The following SLC44A5 variants were observed in gnomAD, a reference collection of about 807,000 sequenced individuals.
SLC44A5 encodes the protein solute carrier family 44 member 5, also known as choline transporter-like protein 5.
Under a neutral mutation model 101.8 loss-of-function variants are expected in SLC44A5, and 57 were observed. That is an observed-to-expected ratio of 0.56 (90% confidence interval 0.45 to 0.70). The LOEUF is 0.70. Among genes scored for constraint, SLC44A5 ranks in the 30% least tolerant of loss-of-function variants. The pLI is 0.00. For missense variants in SLC44A5, 737 were observed against 853.1 expected (o/e 0.86, Z 1.70); for synonymous variants, 281 against 290.9 (o/e 0.97, Z 0.35).
intron 2 of SLC44A5, among the ~76,000 whole-genome samples, chr1:75,416,359 T>G (rs1663647665): frequency 6.6e-6 from 1 of 152,144 alleles, no homozygotes. Flanking sequence ...TGCACAGAAG[T>G]CAAGAACTGG....
chr1:75,341,465 G>C (rs1389097996), intron 3 of SLC44A5, among the ~76,000 whole-genome samples: 3 of 151,550 alleles, frequency 2.0e-5, no homozygotes, highest in South Asian at 4.2e-4. Context: ...TTGGGCGAGA[G>C]AGCAAGACAG....
intron 4 of SLC44A5, among the ~76,000 whole-genome samples, chr1:75,309,808 C>T (rs1319486577): frequency 1.3e-5 from 2 of 152,152 alleles, no homozygotes; most frequent in Non-Finnish European, 2.9e-5. Flanking sequence ...TTAAAAAACA[C>T]ATAAAATGCT....
At chr1:75,645,991 A>G in the SLC44A5 span, among the ~76,000 whole-genome samples, 5 of 132,502 alleles carry the variant, frequency 3.8e-5, no homozygotes, top group African/African-American at 1.3e-4. Flanking sequence ...ATTGGTCCAT[A>G]TATCTGTTCT....
At chr1:75,363,153 C>A (rs1659617241) in intron 3 of SLC44A5, among the ~76,000 whole-genome samples, 1 of 151,932 alleles carries the variant, frequency 6.6e-6, no homozygotes, top group African/African-American at 2.4e-5. Flanking sequence ...GCATGGATAT[C>A]TTTTTCTATC....
chr1:75,249,381 A>G (rs2100638755), intron 7 of SLC44A5, among the ~76,000 whole-genome samples: 1 of 152,140 alleles, frequency 6.6e-6, no homozygotes, highest in East Asian at 1.9e-4. Context: ...TTTCACTGTT[A>G]AAATAATATT....
At chr1:75,224,842 C>T (rs1275368670) in intron 13 of SLC44A5, among the ~76,000 whole-genome samples, 1 of 150,802 alleles carries the variant, frequency 6.6e-6, no homozygotes, top group Non-Finnish European at 1.5e-5. Context: ...TGTTTTTGTA[C>T]AGCTGTTTGT....
intron 3 of SLC44A5, among the ~76,000 whole-genome samples, chr1:75,364,476 G>A (rs1336179138): frequency 6.6e-6 from 1 of 152,108 alleles, no homozygotes; most frequent in African/African-American, 2.4e-5. Flanking sequence ...GAGGGATGAT[G>A]CTAAACCATT....
chr1:75,654,288 C>T, the SLC44A5 span, among the ~76,000 whole-genome samples: 1 of 152,032 alleles, frequency 6.6e-6, no homozygotes, highest in Non-Finnish European at 1.5e-5. Flanking sequence ...CTATATAGTC[C>T]TTAAAGTTCT....
the SLC44A5 span, among the ~76,000 whole-genome samples, chr1:75,714,850 T>C: frequency 6.6e-6 from 1 of 152,090 alleles, no homozygotes; most frequent in South Asian, 2.1e-4. Context: ...ATTTTTGTAT[T>C]TTTAGTAGAG....
chr1:75,383,140 A>G (rs1172161791), intron 3 of SLC44A5, among the ~76,000 whole-genome samples: 1 of 50,594 alleles, frequency 2.0e-5, no homozygotes, highest in African/African-American at 8.1e-5. Context: ...ATGTGTATGC[A>G]TATCTAAAAG....
intron 4 of SLC44A5, among the ~76,000 whole-genome samples, chr1:75,322,140 A>G (rs1656202487): frequency 6.6e-6 from 1 of 152,080 alleles, no homozygotes; most frequent in Non-Finnish European, 1.5e-5. Flanking sequence ...GCAAAACTCC[A>G]TCTCTACAAA....
intron 3 of SLC44A5, among the ~76,000 whole-genome samples, chr1:75,386,497 T>C (rs984300865): frequency 2.0e-5 from 3 of 152,094 alleles, no homozygotes; most frequent in Non-Finnish European, 4.4e-5. Flanking sequence ...GAATCCAACT[T>C]ACAAGGGATG....
At chr1:75,388,036 G>C (rs1463409253) in intron 3 of SLC44A5, among the ~76,000 whole-genome samples, 2 of 135,978 alleles carry the variant, frequency 1.5e-5, no homozygotes, top group Non-Finnish European at 3.1e-5. Flanking sequence ...ACAGGAAGGG[G>C]AATATCACAC....
chr1:75,396,154 GCTGA>G (rs1193358895), intron 3 of SLC44A5, among the ~76,000 whole-genome samples: 6 of 152,102 alleles, frequency 3.9e-5, no homozygotes, highest in African/African-American at 7.2e-5. Flanking sequence ...ACTCTATGGG[GCTGA>G]CTAAGGAGAG....
intron 1 of SLC44A5, among the ~76,000 whole-genome samples, chr1:75,574,835 A>C (rs2102049333): frequency 6.6e-6 from 1 of 152,324 alleles, no homozygotes; most frequent in African/African-American, 2.4e-5. Context: ...CCATTTATGG[A>C]CTTTTGTATG....
intron 23 of SLC44A5, chr1:75,206,635 T>C (rs1646753261): frequency 6.2e-7 from 1 of 1,611,892 alleles, no homozygotes. Flanking sequence ...GGGAACTAGT[T>C]GCTTCTTGAT....
At chr1:75,583,254 A>G (rs2102075769) in intron 1 of SLC44A5, among the ~76,000 whole-genome samples, 1 of 152,302 alleles carries the variant, frequency 6.6e-6, no homozygotes, top group African/African-American at 2.4e-5. Flanking sequence ...GGCAGGGATC[A>G]AAAAAGGAGC....
chr1:75,367,055 C>T (rs1557707658), intron 3 of SLC44A5, among the ~76,000 whole-genome samples: 1 of 152,140 alleles, frequency 6.6e-6, no homozygotes, highest in Admixed American at 6.5e-5. Flanking sequence ...GTTACTAGAG[C>T]TTTGCTAGTT....
chr1:75,701,133 G>A, the SLC44A5 span, among the ~76,000 whole-genome samples: 1 of 152,146 alleles, frequency 6.6e-6, no homozygotes, highest in African/African-American at 2.4e-5. Flanking sequence ...CAGAAAAAGA[G>A]GGAATCCTCC....
Sources: allele counts gnomAD v4.1 joint callset (sites outside exome capture counted in the v4.1 genomes callset), GRCh38; gene constraint gnomAD v4.1.1; transcripts MANE v1.5; gene names NCBI Gene and HGNC (gene_info 2026-07-23, HGNC 2026-07-21).